The following CDH18 variants were observed in gnomAD, a reference collection of about 807,000 sequenced individuals.
The protein encoded by CDH18 is cadherin-18.
In CDH18, 31 loss-of-function variants were observed where a neutral mutation model predicts 67.9. The observed-to-expected ratio is 0.46, with a 90% CI of 0.34 to 0.62. The LOEUF is 0.62. Among genes scored for constraint, CDH18 ranks in the 20% least tolerant of loss-of-function variants. CDH18 has a pLI of 0.01. For synonymous variants in CDH18, 362 were observed against 347.2 expected, an observed-to-expected ratio of 1.04 and a Z score of -0.48; for missense variants, 890 against 975.5, an observed-to-expected ratio of 0.91 and a Z score of 1.17.
chr5:20,307,491 A>G (rs1031800774), intron 1 of CDH18, among the ~76,000 whole-genome samples: 2 of 152,168 alleles, frequency 1.3e-5, no homozygotes, highest in Admixed American at 6.5e-5. Context: ...ACTCTAAACA[A>G]TATGAATTAA....
At chr5:20,474,472 G>A (rs1200114063) in intron 1 of CDH18, among the ~76,000 whole-genome samples, 6 of 151,988 alleles carry the variant, frequency 3.9e-5, no homozygotes, top group Non-Finnish European at 7.4e-5. Context: ...CCCTGCTCCC[G>A]GCCTATGCTG....
intron 2 of CDH18, among the ~76,000 whole-genome samples, chr5:19,900,664 T>G (rs1256897714): frequency 1.3e-5 from 2 of 152,276 alleles, no homozygotes; most frequent in East Asian, 3.9e-4. Flanking sequence ...TAATTCCACT[T>G]ACATACACAT....
intron 6 of CDH18, 48 bp downstream of exon 6, chr5:19,612,386 A>G: frequency 6.4e-7 from 1 of 1,566,734 alleles, no homozygotes; most frequent in Non-Finnish European, 8.8e-7. Context: ...ATTTTACTTT[A>G]CATAAAGAGA....
chr5:20,387,398 G>T (rs1036585981), intron 1 of CDH18, among the ~76,000 whole-genome samples: 1 of 152,058 alleles, frequency 6.6e-6, no homozygotes, highest in Non-Finnish European at 1.5e-5. Context: ...GAATGCTTGC[G>T]ATTTTTTGCA....
At chr5:19,474,503 T>C (rs1738110952) in intron 12 of CDH18, among the ~76,000 whole-genome samples, 1 of 152,080 alleles carries the variant, frequency 6.6e-6, no homozygotes, top group African/African-American at 2.4e-5. Context: ...CCTTGAGCAG[T>C]AGGACATAAA....
At chr5:20,497,482 G>A (rs1425295033) in intron 1 of CDH18, among the ~76,000 whole-genome samples, 1 of 152,090 alleles carries the variant, frequency 6.6e-6, no homozygotes, top group South Asian at 2.1e-4. Context: ...TGCTGTATAA[G>A]TTTGTAGCCT....
chr5:20,464,402 T>C (rs1044851723), intron 1 of CDH18, among the ~76,000 whole-genome samples: 1 of 152,136 alleles, frequency 6.6e-6, no homozygotes, highest in Non-Finnish European at 1.5e-5. Flanking sequence ...CATAAATCAA[T>C]GATTAGAGTT....
intron 2 of CDH18, among the ~76,000 whole-genome samples, chr5:20,250,286 T>TA (rs11372740): frequency 0.49 from 73,591 of 151,528 alleles, 18,291 homozygotes; most frequent in African/African-American, 0.6. Context: ...TTTATTTTTT[T>TA]TTTTATTTTA....
At chr5:20,506,467 T>C (rs1754668119) in intron 1 of CDH18, among the ~76,000 whole-genome samples, 1 of 152,232 alleles carries the variant, frequency 6.6e-6, no homozygotes, top group South Asian at 2.1e-4. Context: ...ATCCTTCAGC[T>C]GACAGATAGC....
intron 4 of CDH18, among the ~76,000 whole-genome samples, chr5:19,731,957 G>A (rs1412121207): frequency 1.3e-5 from 2 of 150,508 alleles, no homozygotes; most frequent in Non-Finnish European, 3.0e-5. Context: ...AGACCTGGTA[G>A]TACACACCTG....
At chr5:19,688,534 TA>T (rs1282393092) in intron 5 of CDH18, among the ~76,000 whole-genome samples, 1 of 152,062 alleles carries the variant, frequency 6.6e-6, no homozygotes, top group Non-Finnish European at 1.5e-5. Context: ...TACATCTTTA[TA>T]AAAAAGTCTT....
intron 1 of CDH18, among the ~76,000 whole-genome samples, chr5:20,332,393 G>A (rs1739264937): frequency 6.6e-6 from 1 of 152,022 alleles, no homozygotes; most frequent in African/African-American, 2.4e-5. Context: ...ACTCTTTGCT[G>A]GTAAGAATAG....
intron 1 of CDH18, among the ~76,000 whole-genome samples, chr5:20,408,133 G>A (rs1023136026): frequency 1.3e-5 from 2 of 151,906 alleles, no homozygotes; most frequent in Non-Finnish European, 2.9e-5. Context: ...AAAACTACCA[G>A]CCAAGAATCC....
At chr5:19,696,008 T>G (rs1004987393) in intron 5 of CDH18, among the ~76,000 whole-genome samples, 2 of 152,136 alleles carry the variant, frequency 1.3e-5, no homozygotes, top group Admixed American at 1.3e-4. Flanking sequence ...CTCTCAAGTT[T>G]TCATCTAAAA....
At chr5:20,218,545 C>T (rs1433518067) in intron 2 of CDH18, among the ~76,000 whole-genome samples, 1 of 151,966 alleles carries the variant, frequency 6.6e-6, no homozygotes, top group East Asian at 1.9e-4. Context: ...TGTGTGTCCC[C>T]ACCCAAATCT....
intron 1 of CDH18, among the ~76,000 whole-genome samples, chr5:20,261,137 A>C (rs1744618519): frequency 1.3e-5 from 2 of 152,218 alleles, no homozygotes; most frequent in East Asian, 3.9e-4. Flanking sequence ...CATTTTGCTT[A>C]GTTAAATATA....
rs184572077 is a variant in CDH18, at chr5:19,529,917, T to A, written c.1391-9139A>T. Among the ~76,000 whole-genome samples the A allele has an allele frequency of 4.1e-3, 618 of 152,230 alleles. 1 individual carries two copies. The highest frequency in any genetic ancestry group is 6.4e-3 in the Non-Finnish European group (435 of 67,974). On this transcript the variant is annotated intron_variant, in intron 9 of 12. Coordinates refer to ENST00000382275, the MANE Select transcript of CDH18 (RefSeq NM_004934.5). ...TGTAATACCAACCAAAAATCCGATA[T>A]TGTTGAATAATTTGATAAGCTGATT...
intron 2 of CDH18, among the ~76,000 whole-genome samples, chr5:19,938,063 T>G (rs1794463726): frequency 6.7e-6 from 1 of 148,492 alleles, no homozygotes; most frequent in Non-Finnish European, 1.5e-5. Flanking sequence ...ATATATATAT[T>G]TAAACAATGG....
At chr5:19,909,802 A>C (rs994486976) in intron 2 of CDH18, among the ~76,000 whole-genome samples, 1 of 152,174 alleles carries the variant, frequency 6.6e-6, no homozygotes, top group Non-Finnish European at 1.5e-5. Flanking sequence ...AAGAAGGTTA[A>C]ATGTATTTGG....
Sources: gnomAD v4.1 joint callset for allele counts (sites outside exome capture counted in the v4.1 genomes callset) on GRCh38, gnomAD v4.1.1 for gene constraint, MANE v1.5 for transcripts, NCBI Gene and HGNC (gene_info 2026-07-23, HGNC 2026-07-21) for gene names.